The following SPTLC3 variants were observed in gnomAD, a reference collection of about 807,000 sequenced individuals.
The protein encoded by SPTLC3 is serine palmitoyltransferase long chain base subunit 3, also known as serine palmitoyltransferase 3.
Under a neutral mutation model 59.3 loss-of-function variants are expected in SPTLC3, and 36 were observed. That is an observed-to-expected ratio of 0.61 (90% CI 0.47 to 0.80). SPTLC3 has a LOEUF of 0.80. SPTLC3 is among the 30% of genes least tolerant of loss of function. The pLI is 0.00. For synonymous variants in SPTLC3, 257 were observed against 240.8 expected (o/e 1.07, Z -0.62); for missense variants, 625 against 685.1 (o/e 0.91, Z 0.98).
At chr20:13,161,936 G>A (rs552397793) in intron 11 of SPTLC3, among the ~76,000 whole-genome samples, 1 of 152,278 alleles carries the variant, frequency 6.6e-6, no homozygotes, top group East Asian at 1.9e-4. Context: ...AAATTATTGA[G>A]TAGCATGTTA....
intron 1 of SPTLC3, among the ~76,000 whole-genome samples, chr20:13,042,233 T>G (rs1331600966): frequency 6.6e-6 from 1 of 152,190 alleles, no homozygotes; most frequent in Non-Finnish European, 1.5e-5. Flanking sequence ...CACCAGAATC[T>G]CCACTGTTTT....
At chr20:13,109,927 T>A (rs1039027239) in intron 6 of SPTLC3, among the ~76,000 whole-genome samples, 185 bp from the exon 7 acceptor site, 31 of 152,202 alleles carry the variant, frequency 2.0e-4, no homozygotes, top group Non-Finnish European at 2.9e-5. Context: ...CTATTTGTCT[T>A]GTCAGAGTTA....
chr20:13,046,462 G>T (rs917333207), intron 1 of SPTLC3, among the ~76,000 whole-genome samples: 20 of 152,036 alleles, frequency 1.3e-4, no homozygotes, highest in Admixed American at 1.2e-3. Context: ...CCTCTTCCTT[G>T]ACTTCATATC....
At chr20:13,020,145 A>G (rs1985792392) in intron 1 of SPTLC3, among the ~76,000 whole-genome samples, 1 of 152,170 alleles carries the variant, frequency 6.6e-6, no homozygotes, top group Admixed American at 6.5e-5. Context: ...TGATCCACCA[A>G]AAAAGAGAAT....
At chr20:13,158,576 A>T (rs1260987579) in intron 10 of SPTLC3, among the ~76,000 whole-genome samples, 1 of 152,200 alleles carries the variant, frequency 6.6e-6, no homozygotes, top group African/African-American at 2.4e-5. Context: ...ATGAGCTCTC[A>T]TTCTGTGCAG....
chr20:13,137,468 G>A (rs1006527161), intron 9 of SPTLC3, among the ~76,000 whole-genome samples: 2 of 151,888 alleles, frequency 1.3e-5, no homozygotes, highest in African/African-American at 4.8e-5. Context: ...TTAAATTATG[G>A]TGTTATAATA....
At chr20:13,106,012 A>C (rs970981341) in intron 6 of SPTLC3, among the ~76,000 whole-genome samples, 1 of 152,182 alleles carries the variant, frequency 6.6e-6, no homozygotes, top group African/African-American at 2.4e-5. Context: ...CAAAACAAGA[A>C]AGCCGCTTTT....
At chr20:13,034,196 GAA>G (rs5840545) in intron 1 of SPTLC3, among the ~76,000 whole-genome samples, 12 of 150,468 alleles carry the variant, frequency 8.0e-5, no homozygotes, top group East Asian at 2.0e-4. Flanking sequence ...AAAGATAAAA[GAA>G]AAAAAAAATG....
intron 10 of SPTLC3, among the ~76,000 whole-genome samples, chr20:13,157,454 T>C (rs1302555552): frequency 6.6e-6 from 1 of 151,822 alleles, no homozygotes; most frequent in Non-Finnish European, 1.5e-5. Flanking sequence ...AAAATTACTC[T>C]CTAAGACTCA....
intron 5 of SPTLC3, among the ~76,000 whole-genome samples, chr20:13,092,718 T>C (rs1261500189): frequency 6.6e-6 from 1 of 152,050 alleles, no homozygotes; most frequent in African/African-American, 2.4e-5. Context: ...GGCTTTTGCC[T>C]CAAAAAAACT....
In SPTLC3 at chr20:13,049,043, T is replaced by C; in HGVS notation, c.216T>C (p.Ile72=). 6.2e-7 allele frequency: 1 copy of C among 1,613,894 alleles called. No homozygotes were observed. The highest frequency in any genetic ancestry group is 8.5e-7 in the Non-Finnish European group (1 of 1,179,884). The change falls in exon 2 of 12, where the codon ATT becomes ATC. Residue 72 remains isoleucine, a synonymous_variant. Coordinates refer to ENST00000399002, the MANE Select transcript of SPTLC3 (RefSeq NM_018327.4). ...VMVFTYMGYG[I]GTLFGYLRDF... ...TTTTCACTTACATGGGATATGGAAT[T>C]GGAACCCTGTTTGGCTATCTCAGAG... is the stretch of plus-strand genomic sequence containing the variant.
Position 13,166,893 on chromosome 20 carries a change from T to C in SPTLC3, c.*2026T>C, listed in dbSNP as rs935471119. On this transcript the variant is annotated 3_prime_UTR_variant, in exon 12 of 12. Coordinates refer to ENST00000399002, the MANE Select transcript of SPTLC3 (RefSeq NM_018327.4). ...ATGGAGGATATTGGGTCTAATTCAT[T>C]GTGGGAAACTACTTACCTACCCAGC... 6.6e-6 allele frequency: 1 copy of C among 152,218 alleles called. No homozygotes were observed. Among genetic ancestry groups the C allele is most frequent in the Non-Finnish European group, 1.5e-5 (1 of 68,044 alleles). 9.4% of individuals were successfully genotyped at this position (152,218 alleles called of 1,614,324 possible).
At chr20:13,012,669 T>C (rs575361431) in intron 1 of SPTLC3, among the ~76,000 whole-genome samples, 1 of 152,184 alleles carries the variant, frequency 6.6e-6, no homozygotes, top group Admixed American at 6.5e-5. Flanking sequence ...CTCCTGTACC[T>C]TCAAAACAGC....
In SPTLC3 at chr20:13,145,733, C is replaced by T. The variant is rs116587811; in HGVS notation, c.1280-8270C>T. Among the ~76,000 whole-genome samples the T allele has an allele frequency of 6.9e-3, 1,058 of 152,276 alleles. 7 individuals are homozygous for T. The highest frequency in any genetic ancestry group is 0.024 in the African/African-American group (1,010 of 41,554). On this transcript the variant is annotated intron_variant, in intron 9 of 11. Transcript: ENST00000399002. The stretch of plus-strand genomic sequence containing the variant: ...CTGGAGGCATCATGTTACCCAACTT[C>T]ACACTATACTACAAGGCTACAGCAA...
chr20:13,026,768 C>T (rs1398523569), intron 1 of SPTLC3, among the ~76,000 whole-genome samples: 1 of 152,182 alleles, frequency 6.6e-6, no homozygotes, highest in Non-Finnish European at 1.5e-5. Context: ...TCCATGTGCA[C>T]AGCCTCCTCT....
intron 4 of SPTLC3, among the ~76,000 whole-genome samples, chr20:13,087,373 C>A (rs971205382): frequency 6.6e-6 from 1 of 152,128 alleles, no homozygotes; most frequent in African/African-American, 2.4e-5. Flanking sequence ...GTTTCCTGAC[C>A]CTCTGGGCAG....
intron 9 of SPTLC3, 115 bp from the exon 10 acceptor site, chr20:13,153,888 C>A: frequency 7.3e-7 from 1 of 1,365,982 alleles, no homozygotes; most frequent in Non-Finnish European, 1.0e-6. Flanking sequence ...ACTTCCTCCT[C>A]CCAGCTAGTG....
At chr20:13,014,778 C>T (rs1255017729) in intron 1 of SPTLC3, among the ~76,000 whole-genome samples, 1 of 141,142 alleles carries the variant, frequency 7.1e-6, no homozygotes, top group Admixed American at 7.3e-5. Flanking sequence ...CATCTCAAAG[C>T]TGTCTAAATT....
At chr20:13,023,918 C>T (rs970986005) in intron 1 of SPTLC3, among the ~76,000 whole-genome samples, 2 of 152,194 alleles carry the variant, frequency 1.3e-5, no homozygotes, top group East Asian at 1.9e-4. Context: ...GACTAATCTC[C>T]CAAGGTGTGT....
Sources: allele counts gnomAD v4.1 joint callset (sites outside exome capture counted in the v4.1 genomes callset), GRCh38; gene constraint gnomAD v4.1.1; transcripts MANE v1.5; gene names NCBI Gene and HGNC (gene_info 2026-07-23, HGNC 2026-07-21).